Variants in ZSCAN10 observed in about 807,000 individuals in gnomAD.
ZSCAN10 encodes the protein zinc finger and SCAN domain containing 10, also known as zinc finger and SCAN domain-containing protein 10.
In ZSCAN10, 52 loss-of-function variants were observed where a neutral mutation model predicts 63.7. The observed-to-expected ratio is 0.82, with a 90% confidence interval of 0.65 to 1.03. The LOEUF (loss-of-function observed/expected upper bound fraction) is 1.03. Among genes scored for constraint, ZSCAN10 ranks in the 50% least tolerant of loss-of-function variants. The pLI is 0.00. For synonymous variants in ZSCAN10, 544 were observed against 479.6 expected (o/e 1.13, Z -1.76); for missense variants, 1,223 against 1,103.8 (o/e 1.11, Z -1.53).
rs1347161106 is a variant in ZSCAN10, at chr16:3,089,754, C to T, written c.1680G>A (p.Thr560=). The change falls in exon 6 of 6, where the codon ACG becomes ACA. Residue 560 remains threonine (T), a synonymous_variant. Coordinates refer to ENST00000576985, the MANE Select transcript of ZSCAN10 (RefSeq NM_032805.3). The part of the protein sequence containing the change: ...FSCQACGRSF[T]QSSQLVSHQR... Reference sequence around the variant, plus strand: ...GGTGGCTGACCAGCTGCGAGCTCTGCGTGAAGCTGCGGCCGCAAGCCTGGC... The same window carrying T: ...GGTGGCTGACCAGCTGCGAGCTCTGTGTGAAGCTGCGGCCGCAAGCCTGGC... The T allele has an allele frequency of 1.9e-6, 3 of 1,599,180 alleles. No homozygotes were observed. Among genetic ancestry groups the T allele is most frequent in the African/African-American group, 1.3e-5 (1 of 74,674 alleles).
chr16:3,089,211 T>G lies in ZSCAN10; in HGVS notation c.2223A>C (p.Arg741=), dbSNP rs887947675. 4 of 1,552,674 alleles carry G rather than the reference T, an allele frequency of 2.6e-6. No homozygotes were observed. In the African/African-American group the frequency reaches 4.2e-5, roughly 16 times the overall value. The change falls in exon 6 of 6, where the codon CGA becomes CGC. Residue 741 remains arginine, a synonymous_variant. Transcript: ENST00000576985. The stretch of plus-strand genomic sequence containing the variant: ...TGGCGCCCGTGTGCACCAGCAGGTG[T>G]CGCAGCAGATTGCAGCTGCGGCTGA... ...KSFSRSCNLL[R]HLLVHTGARP...
rs115741921 is a variant in ZSCAN10, at chr16:3,091,647, C to G, written c.730-50G>C. Reference sequence around the variant, plus strand: ...GTGAGTGAGGAACATGCCTCAGGAACCTGTGGGGACTGAAATGCTTCCTAG... The same window carrying G: ...GTGAGTGAGGAACATGCCTCAGGAAGCTGTGGGGACTGAAATGCTTCCTAG... On this transcript the variant is annotated intron_variant, in intron 4 of 5. Transcript: ENST00000576985. 862 of 1,612,436 alleles carry G rather than the reference C, an allele frequency of 5.3e-4. 4 individuals are homozygous for G. In the African/African-American group the frequency reaches 9.7e-3, roughly 18 times the overall value.
Position 3,089,967 on chromosome 16 carries a change from G to A in ZSCAN10, c.1467C>T (p.Ser489=), listed in dbSNP as rs1169036716. The A allele has an allele frequency of 4.5e-6, 7 of 1,544,666 alleles. No individual in the cohort carries two copies. The highest frequency in any genetic ancestry group is 5.2e-6 in the Non-Finnish European group (6 of 1,147,846). Residue 489 remains serine (S), a synonymous_variant, in exon 6 of 6, where the codon TCC becomes TCT. Coordinates refer to ENST00000576985, the MANE Select transcript of ZSCAN10 (RefSeq NM_032805.3). ...GGATCCGCAGGTGGCGCTTGAGGCT[G>A]GAGCGGCGCTGGAAGCTCTGGCCGC... ...SHCGQSFQRR[S]SLKRHLRIHA... is the part of the protein sequence containing the mutation.
Position 3,091,757 on chromosome 16 carries a change from A to T in ZSCAN10, c.729+7T>A. 6.4e-7 allele frequency: 1 copy of T among 1,573,776 alleles called. No individual in the cohort carries two copies. Among genetic ancestry groups the T allele is most frequent in the African/African-American group, 1.4e-5 (1 of 73,886 alleles). ...TTGAGGACACCCTGGGGTGCGGCCC[A>T]GCTCACCAGCACAGCCGCCAGCTCC... is the stretch of plus-strand genomic sequence containing the variant. On this transcript the variant is annotated splice_region_variant and intron_variant, in intron 4 of 5. Coordinates refer to ENST00000576985, the MANE Select transcript of ZSCAN10 (RefSeq NM_032805.3).
rs115852910 is a variant in ZSCAN10 at position 3,091,947 on chromosome 16, T to G, written c.664+102A>C. The G allele has an allele frequency of 5.3e-4, 834 of 1,582,702 alleles. 4 individuals are homozygous for G. The African/African-American group carries it at 9.7e-3, about 18-fold the overall frequency. On this transcript the variant is annotated intron_variant, in intron 3 of 5. Coordinates refer to ENST00000576985, the MANE Select transcript of ZSCAN10 (RefSeq NM_032805.3). ...CTGTGAAGACACCTTGGCGCTCTCC[T>G]GTCCTGGTCACCTGGGGAGGCCCCA...
chr16:3,091,496 G>T, intron 5 of ZSCAN10, 44 bp downstream of exon 5: 2 of 1,601,394 alleles, frequency 1.2e-6, no homozygotes, highest in Non-Finnish European at 1.7e-6. Context: ...GACAAGAAAA[G>T]AAAGAGGCAT....
In ZSCAN10 at chr16:3,088,968, A is replaced by C; in HGVS notation, c.*123T>G. The C allele has an allele frequency of 4.2e-5, 56 of 1,348,318 alleles. No individual in the cohort carries two copies. Among genetic ancestry groups the C allele is most frequent in the Non-Finnish European group, 5.0e-5 (52 of 1,047,478 alleles). 83.5% of individuals were successfully genotyped at this position (1,348,318 alleles called of 1,614,324 possible). A position where few individuals can be genotyped will look rare whatever the true frequency, so the allele number is the denominator to read the frequency against. On this transcript the variant is annotated 3_prime_UTR_variant, in exon 6 of 6. Coordinates refer to ENST00000576985, the MANE Select transcript of ZSCAN10 (RefSeq NM_032805.3). ...AAAGCAATGCCTCGGCCAGGGAAGG[A>C]CAGCTGTGAAAGTGGAAGGAGAGGG...
At chr16:3,098,938 G>C (rs1441942398) in intron 1 of ZSCAN10, among the ~76,000 whole-genome samples, 1 of 152,236 alleles carries the variant, frequency 6.6e-6, no homozygotes, top group Non-Finnish European at 1.5e-5. Flanking sequence ...GTCCACCTGG[G>C]AGCACGTGAA....
intron 1 of ZSCAN10, among the ~76,000 whole-genome samples, chr16:3,098,072 A>C (rs932565269): frequency 4.0e-5 from 6 of 149,736 alleles, no homozygotes; most frequent in Non-Finnish European, 5.9e-5. Context: ...AGAAAGAAAG[A>C]AAGAAAAGAA....
At position 3,095,653 on chromosome 16, in the gene ZSCAN10, C is replaced by T. The variant is rs191454312; in HGVS notation, c.-67-2649G>A. ...ACCATCCTGGTTAACACGGTGAAAC[C>T]CCGTCTCTAATAAAAATAAAAAAAA... On this transcript the variant is annotated intron_variant, in intron 1 of 5. Coordinates refer to ENST00000576985, the MANE Select transcript of ZSCAN10 (RefSeq NM_032805.3). Among the ~76,000 whole-genome samples, 283 of 151,834 alleles carry T rather than the reference C, an allele frequency of 1.9e-3. 1 individual carries two copies. The highest frequency in any genetic ancestry group is 6.9e-3 in the Middle Eastern group (2 of 290).
Position 3,090,250 on chromosome 16 carries a change from A to G in ZSCAN10, c.1184T>C (p.Met395Thr). The change falls in exon 6 of 6, where the codon ATG becomes ACG. Residue 395 changes from methionine to threonine, a missense_variant. By Grantham distance (81) the Met-to-Thr change is moderately conservative (BLOSUM62 -1). Transcript: ENST00000576985. The part of the protein sequence containing the change: ...FGRSSILKLH[M>T]RTHTDERPHA... ...CGGCCGCTCGTCCGTGTGAGTGCGCATGTGCAGCTTGAGAATGGAGCTGCG... is the reference window on the plus strand; with the variant it reads ...CGGCCGCTCGTCCGTGTGAGTGCGCGTGTGCAGCTTGAGAATGGAGCTGCG... 2 of 1,608,462 alleles carry G rather than the reference A, an allele frequency of 1.2e-6. No individual in the cohort carries two copies. Among genetic ancestry groups the G allele is most frequent in the Non-Finnish European group, 1.7e-6 (2 of 1,179,650 alleles).
rs199928130 is a variant in ZSCAN10 at position 3,090,054 on chromosome 16, C to T, written c.1380G>A (p.Pro460=). 3 of 1,602,294 alleles carry T rather than the reference C, an allele frequency of 1.9e-6. No homozygotes were observed. Among genetic ancestry groups the T allele is most frequent in the African/African-American group, 2.7e-5 (2 of 74,470 alleles). The stretch of plus-strand genomic sequence containing the variant: ...CGGCCTTACTCTCAGGAGCGCAGGG[C>T]GGCTTCTGGTCCTGGGCGTGCGCCA... ...HLLAHAQDQK[P]PCAPESKAEA... The change falls in exon 6 of 6, where the codon CCG becomes CCA. Residue 460 remains proline, a synonymous_variant. Transcript: ENST00000576985.
rs781701830 is a variant in ZSCAN10 at position 3,089,577 on chromosome 16, C to T, written c.1857G>A (p.Gln619=). 7.5e-6 allele frequency: 12 copies of T among 1,589,658 alleles called. No individual in the cohort carries two copies. Among genetic ancestry groups the T allele is most frequent in the Admixed American group, 1.8e-5 (1 of 56,488 alleles). ...TQCGKSFGQT[Q]DLARHQRSHT... Reference sequence around the variant, plus strand: ...GGCTGCGCTGGTGGCGGGCCAGATCCTGGGTCTGGCCGAAACTCTTCCCGC... The same window carrying T: ...GGCTGCGCTGGTGGCGGGCCAGATCTTGGGTCTGGCCGAAACTCTTCCCGC... The change falls in exon 6 of 6, where the codon CAG becomes CAA. Residue 619 remains glutamine (Q), a synonymous_variant. Coordinates refer to ENST00000576985, the MANE Select transcript of ZSCAN10 (RefSeq NM_032805.3).
At chr16:3,090,822 G>A (rs1955037227) in intron 5 of ZSCAN10, among the ~76,000 whole-genome samples, 176 bp from the exon 6 acceptor site, 1 of 151,750 alleles carries the variant, frequency 6.6e-6, no homozygotes, top group Admixed American at 6.6e-5. Context: ...GCCCGAGGCG[G>A]GCGGATCACT....
At chr16:3,091,713 G>A (rs1372235925) in intron 4 of ZSCAN10, 51 bp downstream of exon 4, 5 of 1,593,608 alleles carry the variant, frequency 3.1e-6, no homozygotes, top group South Asian at 1.1e-5. Flanking sequence ...AAACTACAGG[G>A]TAGAGAAGTT....
In ZSCAN10 at chr16:3,092,300, G is replaced by A. The variant is rs763114979; in HGVS notation, c.413C>T (p.Ala138Val). 5.6e-6 allele frequency: 9 copies of A among 1,606,250 alleles called. No homozygotes were observed. The highest frequency in any genetic ancestry group is 3.3e-5 in the South Asian group (3 of 90,054). ...HAGPLDFSCN[A>V]GKSCPRADVT... ...GTCTGCACGGGGACAACTCTTGCCA[G>A]CATTACAACTAAAATCCTGTTCAAA... The change falls in exon 3 of 6, where the codon GCT becomes GTT. Residue 138 changes from alanine (A) to valine (V), a missense_variant. Physicochemically the swap from Ala to Val is moderately conservative, Grantham distance 64. Coordinates refer to ENST00000576985, the MANE Select transcript of ZSCAN10 (RefSeq NM_032805.3).
Position 3,096,136 on chromosome 16 carries a change from C to T in ZSCAN10, c.-68+3054G>A, listed in dbSNP as rs113440780. ...CCCAGTACTACCCATGGGGAACCTC[C>T]GAAATTTCGGCCCCACCCACAGGGG... On this transcript the variant is annotated intron_variant, in intron 1 of 5. Transcript: ENST00000576985. Among the ~76,000 whole-genome samples, 31 of 152,340 alleles carry T rather than the reference C, an allele frequency of 2.0e-4. 1 individual carries two copies. The highest frequency in any genetic ancestry group is 7.2e-4 in the African/African-American group (30 of 41,572).
chr16:3,089,136 G>T lies in ZSCAN10; in HGVS notation c.2298C>A (p.His766Gln). ...QCGRSFSRNSHLLRHLRTHAR... is the reference protein window; with the variant it reads ...QCGRSFSRNSQLLRHLRTHAR... ...CGTGGGTGCGCAGGTGGCGCAGCAG[G>T]TGGGAGTTGCGGCTGAAGCTGCGGC... is the stretch of plus-strand genomic sequence containing the variant. Residue 766 changes from histidine to glutamine, a missense_variant, in exon 6 of 6, where the codon CAC (histidine) becomes CAA (glutamine). Transcript: ENST00000576985. The T allele has an allele frequency of 6.6e-7, 1 of 1,524,652 alleles. No individual in the cohort carries two copies. The highest frequency in any genetic ancestry group is 1.3e-5 in the South Asian group (1 of 78,162). 94.4% of individuals were successfully genotyped at this position (1,524,652 alleles called of 1,614,324 possible). A position where few individuals can be genotyped will look rare whatever the true frequency, so the allele number is the denominator to read the frequency against.
intron 1 of ZSCAN10, among the ~76,000 whole-genome samples, chr16:3,095,513 T>TTA (rs1957141774): frequency 6.2e-5 from 4 of 64,748 alleles, no homozygotes; most frequent in African/African-American, 3.5e-4. Flanking sequence ...AGACTCCGTC[T>TTA]CAAAAAAAAA....
Sources: allele counts gnomAD v4.1 joint callset (sites outside exome capture counted in the v4.1 genomes callset), GRCh38; gene constraint gnomAD v4.1.1; transcripts MANE v1.5; gene names NCBI Gene and HGNC (gene_info 2026-07-23, HGNC 2026-07-21).